Variants in NFKB1 observed in about 807,000 individuals in gnomAD.
NFKB1 encodes nuclear factor NF-kappa-B p105 subunit.
A neutral mutation model predicts 105.1 loss-of-function variants in NFKB1; 9 were observed. That is an observed-to-expected ratio of 0.09 (90% CI 0.05 to 0.15). The LOEUF is 0.15. NFKB1 is among the 10% of genes least tolerant of loss of function. The probability of loss-of-function intolerance (pLI) is 1.00; values close to 1 mark genes in which losing one functional copy is unlikely to be tolerated. For missense variants in NFKB1, 830 were observed against 1,203.7 expected, an observed-to-expected ratio of 0.69 and a Z score of 4.59; for synonymous variants, 440 against 442.2, an observed-to-expected ratio of 1.00 and a Z score of 0.06.
chr4:102,520,870 G>A (rs1740529275), intron 1 of NFKB1, among the ~76,000 whole-genome samples: 1 of 152,058 alleles, frequency 6.6e-6, no homozygotes, highest in Non-Finnish European at 1.5e-5. Context: ...GTCATTAATT[G>A]TTAAAGATGT....
chr4:102,607,520 A>T, intron 18 of NFKB1, 129 bp from the exon 19 acceptor site: 2 of 1,171,812 alleles, frequency 1.7e-6, no homozygotes, highest in South Asian at 2.6e-5. Context: ...GATTTCTTCA[A>T]TGACAGAGCC....
At chr4:102,544,118 A>G (rs1721949104) in intron 5 of NFKB1, among the ~76,000 whole-genome samples, 1 of 147,690 alleles carries the variant, frequency 6.8e-6, no homozygotes, top group African/African-American at 2.6e-5. Context: ...ACATGTATGT[A>G]TGTGCATTTT....
intron 6 of NFKB1, 60 bp from the exon 7 acceptor site, chr4:102,576,816 A>G: frequency 6.6e-7 from 1 of 1,525,806 alleles, no homozygotes; most frequent in Non-Finnish European, 8.8e-7. Flanking sequence ...CAGATTCCCT[A>G]GACATTAAGT....
intron 1 of NFKB1, among the ~76,000 whole-genome samples, chr4:102,511,212 C>T (rs1393259291): frequency 2.0e-5 from 3 of 151,998 alleles, no homozygotes; most frequent in Non-Finnish European, 4.4e-5. Flanking sequence ...ATGATTAAAT[C>T]AAGCTGATTA....
intron 5 of NFKB1, among the ~76,000 whole-genome samples, chr4:102,551,367 T>TGTGTGTGCGCGCGC (rs370790173): frequency 6.7e-6 from 1 of 150,094 alleles, no homozygotes; most frequent in Non-Finnish European, 1.5e-5. Context: ...TGTGTGTGTG[T>TGTGTGTGCGCGCGC]GCGCGCGCGC....
chr4:102,571,060 G>A (rs1216858444), intron 6 of NFKB1, among the ~76,000 whole-genome samples: 12 of 151,986 alleles, frequency 7.9e-5, no homozygotes, highest in Non-Finnish European at 1.3e-4. Flanking sequence ...AGCTGGAGGC[G>A]TCACACTACC....
chr4:102,520,467 T>C (rs932980829), intron 1 of NFKB1, among the ~76,000 whole-genome samples: 1 of 152,218 alleles, frequency 6.6e-6, no homozygotes, highest in African/African-American at 2.4e-5. Flanking sequence ...CATTCCACTG[T>C]AAACAGGTAC....
At chr4:102,613,671 T>A in intron 23 of NFKB1, 90 bp downstream of exon 23, 1 of 1,431,590 alleles carries the variant, frequency 7.0e-7, no homozygotes. Context: ...GTGGCAGTTT[T>A]CTTTCTCGTT....
chr4:102,552,857 C>T (rs765195326), intron 5 of NFKB1, among the ~76,000 whole-genome samples: 1 of 152,130 alleles, frequency 6.6e-6, no homozygotes, highest in Admixed American at 6.5e-5. Flanking sequence ...TGTTTCCCCC[C>T]TTCCTACTTT....
At chr4:102,590,694 C>A (rs1004149222) in intron 11 of NFKB1, among the ~76,000 whole-genome samples, 1 of 152,188 alleles carries the variant, frequency 6.6e-6, no homozygotes, top group Non-Finnish European at 1.5e-5. Flanking sequence ...ATCTCTCTCC[C>A]TCTCCTCAGG....
chr4:102,536,319 T>A (rs1233657081), intron 4 of NFKB1, among the ~76,000 whole-genome samples: 1 of 152,210 alleles, frequency 6.6e-6, no homozygotes, highest in African/African-American at 2.4e-5. Flanking sequence ...TGTGTTTAGA[T>A]CTGGAATCTC....
intron 15 of NFKB1, 118 bp from the exon 16 acceptor site, chr4:102,600,776 AG>A: frequency 1.4e-6 from 1 of 701,140 alleles, no homozygotes; most frequent in Non-Finnish European, 2.6e-6. Context: ...AAAACATTTT[AG>A]GGCCAAATAA....
chr4:102,547,176 C>T (rs1227182602), intron 5 of NFKB1, among the ~76,000 whole-genome samples: 1 of 151,932 alleles, frequency 6.6e-6, no homozygotes, highest in African/African-American at 2.4e-5. Flanking sequence ...TATATAAATA[C>T]AAAATAAGTT....
chr4:102,571,601 A>G (rs773330236), intron 6 of NFKB1, among the ~76,000 whole-genome samples: 3 of 152,258 alleles, frequency 2.0e-5, no homozygotes, highest in Non-Finnish European at 2.9e-5. Flanking sequence ...AAGGGCTAAT[A>G]TCCAGAATCT....
intron 2 of NFKB1, among the ~76,000 whole-genome samples, chr4:102,529,313 T>C (rs780957031): frequency 9.9e-5 from 15 of 152,208 alleles, no homozygotes; most frequent in Non-Finnish European, 1.6e-4. Context: ...CTGTCAGTTA[T>C]ATTTTCAGTT....
intron 1 of NFKB1, among the ~76,000 whole-genome samples, chr4:102,516,103 C>CA (rs1740163341): frequency 2.0e-5 from 3 of 151,950 alleles, no homozygotes; most frequent in Admixed American, 2.0e-4. Context: ...TCATCAGAAA[C>CA]ATCATGCTTA....
At chr4:102,501,864 C>T (rs537742116) in intron 1 of NFKB1, 76 bp downstream of exon 1, 3 of 152,598 alleles carry the variant, frequency 2.0e-5, no homozygotes, top group African/African-American at 7.2e-5. Flanking sequence ...CCTCCGCACC[C>T]CCTCCAGCCC....
chr4:102,515,700 T>C (rs1214899342), intron 1 of NFKB1, among the ~76,000 whole-genome samples: 6 of 152,240 alleles, frequency 3.9e-5, no homozygotes, highest in Admixed American at 3.9e-4. Flanking sequence ...TGTGCTGTTA[T>C]TGTTATACAT....
At chr4:102,579,636 C>CGA (rs1725157654) in intron 8 of NFKB1, among the ~76,000 whole-genome samples, 1 of 106,314 alleles carries the variant, frequency 9.4e-6, no homozygotes, top group African/African-American at 3.5e-5. Context: ...GACCCCATCT[C>CGA]AAAAAAAAAA....
Sources: allele counts gnomAD v4.1 joint callset (sites outside exome capture counted in the v4.1 genomes callset), GRCh38; gene constraint gnomAD v4.1.1; transcripts MANE v1.5; gene names NCBI Gene and HGNC (gene_info 2026-07-23, HGNC 2026-07-21).